The following ELOVL2 variants were observed in gnomAD, a reference collection of about 807,000 sequenced individuals.
The protein encoded by ELOVL2 is very long chain fatty acid elongase 2.
ELOVL2 carries 38 observed loss-of-function variants against 37.7 expected under a neutral mutation model. That is an observed-to-expected ratio of 1.01 (90% CI 0.78 to 1.32). The LOEUF is 1.32. Ranked by LOEUF, ELOVL2 falls within the 40% of genes most tolerant of loss-of-function variation. The pLI is 0.00. For missense variants in ELOVL2, 352 were observed against 363.6 expected (o/e 0.97, Z 0.26); for synonymous variants, 115 against 122.3 (o/e 0.94, Z 0.40).
chr6:11,008,814 A>G (rs1246417466), intron 2 of ELOVL2, among the ~76,000 whole-genome samples: 2 of 152,258 alleles, frequency 1.3e-5, no homozygotes, highest in African/African-American at 4.8e-5. Context: ...GTATCATTAT[A>G]TTAAAACTAT....
At chr6:10,986,133 G>A (rs1167485845) in intron 7 of ELOVL2, among the ~76,000 whole-genome samples, 2 of 152,216 alleles carry the variant, frequency 1.3e-5, no homozygotes, top group African/African-American at 4.8e-5. Flanking sequence ...GTTCACTCAT[G>A]ATTTGGCTCT....
chr6:10,990,552 T>C (rs1257036542), intron 5 of ELOVL2, 110 bp from the exon 6 acceptor site: 13 of 1,038,654 alleles, frequency 1.3e-5, no homozygotes, highest in Non-Finnish European at 6.7e-6. Context: ...GTAGCACATA[T>C]GACATGATCA....
At chr6:11,010,697 TG>T (rs1402323956) in intron 2 of ELOVL2, 48 bp downstream of exon 2, 1 of 1,367,088 alleles carries the variant, frequency 7.3e-7, no homozygotes, top group Non-Finnish European at 1.0e-6. Context: ...AACTAAATGG[TG>T]TTCTTCCTGT....
At chr6:11,008,274 T>C (rs1248013624) in intron 2 of ELOVL2, among the ~76,000 whole-genome samples, 2 of 152,172 alleles carry the variant, frequency 1.3e-5, no homozygotes, top group Non-Finnish European at 2.9e-5. Context: ...GAAAATTCCA[T>C]AAAATGACCA....
intron 1 of ELOVL2, among the ~76,000 whole-genome samples, chr6:11,029,505 G>A (rs1427411560): frequency 6.6e-6 from 1 of 152,228 alleles, no homozygotes; most frequent in East Asian, 1.9e-4. Context: ...CACTGATTCA[G>A]TGTTCTGCAT....
intron 1 of ELOVL2, among the ~76,000 whole-genome samples, chr6:11,013,868 C>CA (rs57378623): frequency 0.4 from 54,541 of 136,662 alleles, 11,416 homozygotes; most frequent in East Asian, 0.67. Flanking sequence ...CTCCACAAAG[C>CA]AAAAAAAAAA....
intron 2 of ELOVL2, among the ~76,000 whole-genome samples, chr6:11,008,643 C>T (rs1367398719): frequency 1.3e-5 from 2 of 152,078 alleles, no homozygotes; most frequent in Admixed American, 1.3e-4. Flanking sequence ...CTGAGCTGTT[C>T]TCCTTTCTAC....
chr6:10,999,143 G>A (rs1374660679), intron 4 of ELOVL2, among the ~76,000 whole-genome samples: 2 of 152,180 alleles, frequency 1.3e-5, no homozygotes, highest in African/African-American at 2.4e-5. Context: ...AAAGTCACTT[G>A]AAATAGTTCC....
chr6:10,984,400 T>C (rs957762430), intron 7 of ELOVL2, among the ~76,000 whole-genome samples: 7 of 152,070 alleles, frequency 4.6e-5, no homozygotes, highest in African/African-American at 1.7e-4. Flanking sequence ...AGGGAACATG[T>C]GCACAATGTG....
chr6:11,039,418 G>A (rs545292516), intron 1 of ELOVL2, among the ~76,000 whole-genome samples: 5 of 152,210 alleles, frequency 3.3e-5, no homozygotes, highest in Admixed American at 1.3e-4. Flanking sequence ...TTATTAATCA[G>A]TTCCATGATA....
chr6:10,994,419 G>A (rs1581861600), intron 5 of ELOVL2, among the ~76,000 whole-genome samples: 1 of 149,174 alleles, frequency 6.7e-6, no homozygotes, highest in African/African-American at 2.5e-5. Context: ...AGTGAGCTGA[G>A]ATCGCGCCAC....
intron 3 of ELOVL2, among the ~76,000 whole-genome samples, chr6:11,005,146 G>A (rs530278777): frequency 6.6e-6 from 1 of 151,766 alleles, no homozygotes; most frequent in Non-Finnish European, 1.5e-5. Flanking sequence ...ATGATAGAGC[G>A]AGACTCCATC....
intron 1 of ELOVL2, among the ~76,000 whole-genome samples, chr6:11,037,058 A>G (rs1783019329): frequency 8.0e-6 from 1 of 124,624 alleles, no homozygotes; most frequent in South Asian, 2.7e-4. Flanking sequence ...CAGAGAGGGA[A>G]AGAGATAGAG....
At chr6:11,028,903 G>C (rs1475273153) in intron 1 of ELOVL2, among the ~76,000 whole-genome samples, 2 of 151,928 alleles carry the variant, frequency 1.3e-5, no homozygotes, top group Non-Finnish European at 2.9e-5. Context: ...ATTTCATAGA[G>C]CTGGTAAATG....
intron 1 of ELOVL2, among the ~76,000 whole-genome samples, chr6:11,025,499 C>A (rs1000431482): frequency 1.3e-5 from 2 of 152,108 alleles, no homozygotes; most frequent in Admixed American, 6.6e-5. Flanking sequence ...TTCACTCATT[C>A]AACAATTTTT....
Position 11,044,116 on chromosome 6 carries a change from C to A in ELOVL2, c.3+112G>T. The A allele has an allele frequency of 7.8e-7, 1 of 1,289,288 alleles. No homozygotes were observed. 79.9% of individuals were successfully genotyped at this position (1,289,288 alleles called of 1,614,324 possible). ...CTCCGAGGGTAGCGGGTTCCAGCGG[C>A]GAACCCGCAGCGCCCGCGCCGGCGC... On this transcript the variant is annotated intron_variant, in intron 1 of 7. Coordinates refer to ENST00000354666, the MANE Select transcript of ELOVL2 (RefSeq NM_017770.4). This position sits in a 1 kb window ranked among gnomAD's most constrained non-coding sequence, Gnocchi z 5.6.
chr6:11,026,358 G>C (rs554821246), intron 1 of ELOVL2, among the ~76,000 whole-genome samples: 1 of 152,270 alleles, frequency 6.6e-6, no homozygotes, highest in East Asian at 1.9e-4. Flanking sequence ...AAATAGCCAT[G>C]GTTGAAAATG....
At chr6:10,992,576 G>A (rs1027118573) in intron 5 of ELOVL2, among the ~76,000 whole-genome samples, 1 of 151,876 alleles carries the variant, frequency 6.6e-6, no homozygotes, top group Non-Finnish European at 1.5e-5. Flanking sequence ...GGATCACAAG[G>A]TCAAGAGATC....
At chr6:10,990,467 A>G (rs1268336947) in intron 5 of ELOVL2, 25 bp from the exon 6 acceptor site, 1 of 1,553,518 alleles carries the variant, frequency 6.4e-7, no homozygotes, top group Non-Finnish European at 8.6e-7. Context: ...TATAAAAATC[A>G]CTATTCTTCC....
Sources: allele counts gnomAD v4.1 joint callset (sites outside exome capture counted in the v4.1 genomes callset), GRCh38; gene constraint gnomAD v4.1.1; non-coding constraint Gnocchi (gnomAD v3.1); transcripts MANE v1.5; gene names NCBI Gene and HGNC (gene_info 2026-07-23, HGNC 2026-07-21).